Variants in CDH4 observed in about 807,000 individuals in gnomAD.
The protein encoded by CDH4 is cadherin-4.
CDH4 carries 33 observed loss-of-function variants against 86.0 expected under a neutral mutation model. The ratio of observed to expected loss-of-function variants is 0.38; its 90% CI spans 0.29 to 0.51. The LOEUF (loss-of-function observed/expected upper bound fraction) is 0.51, where lower values mean the gene tolerates loss of function less well. CDH4 is among the 20% of genes least tolerant of loss of function. CDH4 has a pLI of 0.86. For missense variants in CDH4, 1,114 were observed against 1,307.4 expected (o/e 0.85, Z 2.28); for synonymous variants, 555 against 549.4 (o/e 1.01, Z -0.14).
intron 2 of CDH4, among the ~76,000 whole-genome samples, chr20:61,267,464 A>G (rs2123131988): frequency 6.6e-6 from 1 of 152,290 alleles, no homozygotes; most frequent in South Asian, 2.1e-4. Flanking sequence ...GCGGCTTGAA[A>G]CAGTGCTGGG....
chr20:61,565,239 G>GCGGTGCTCTTGGTGA lies in CDH4; in HGVS notation c.170-178324_170-178323insCGGTGCTCTTGGTGA, dbSNP rs2086272213. Among the ~76,000 whole-genome samples, 3 of 61,454 alleles carry GCGGTGCTCTTGGTGA rather than the reference G, an allele frequency of 4.9e-5. 1 individual carries two copies. Among genetic ancestry groups the GCGGTGCTCTTGGTGA allele is most frequent in the Non-Finnish European group, 1.0e-4 (3 of 28,622 alleles). 40.3% of individuals were successfully genotyped at this position (61,454 alleles called of 152,430 possible). A position where few individuals can be genotyped will look rare whatever the true frequency, so the allele number is the denominator to read the frequency against. ...TCGGTGGTAGGTGGTGGTGGTGGTG[G>GCGGTGCTCTTGGTGA]TGGCGGTGCTCTTGGTGATGGTGGT... is the stretch of plus-strand genomic sequence containing the variant. On this transcript the variant is annotated intron_variant, in intron 2 of 15. Transcript: ENST00000614565.
rs1391946036 is a variant in CDH4 at position 61,565,321 on chromosome 20, G to GGTC, written c.170-178242_170-178241insGTC. ...TGGCGGTGCTCTTGGTGGTGGCGGT[G>GGTC]CTCTTGGTGATGGTGGTAGTGGTCC... is the stretch of plus-strand genomic sequence containing the variant. On this transcript the variant is annotated intron_variant, in intron 2 of 15. Coordinates refer to ENST00000614565, the MANE Select transcript of CDH4 (RefSeq NM_001794.5). Among the ~76,000 whole-genome samples, 14 of 100,302 alleles carry GGTC rather than the reference G, an allele frequency of 1.4e-4. 2 individuals are homozygous for GGTC. Among genetic ancestry groups the GGTC allele is most frequent in the Admixed American group, 2.9e-4 (3 of 10,274 alleles). The allele number at this position is 100,302 out of a possible 152,430, so 65.8% of individuals were successfully genotyped here. A position where few individuals can be genotyped will look rare whatever the true frequency, so the allele number is the denominator to read the frequency against.
intron 2 of CDH4, among the ~76,000 whole-genome samples, chr20:61,559,655 A>C (rs1042172516): frequency 1.3e-5 from 2 of 150,270 alleles, no homozygotes; most frequent in Non-Finnish European, 1.5e-5. Flanking sequence ...AGTAGCTGGG[A>C]CTACAGGCGT....
intron 4 of CDH4, among the ~76,000 whole-genome samples, chr20:61,824,588 G>A (rs970670116): frequency 2.0e-5 from 3 of 152,092 alleles, no homozygotes; most frequent in African/African-American, 7.2e-5. Flanking sequence ...TTCTAATATT[G>A]ACATCATTAA....
At chr20:61,740,052 G>A (rs7261838) in intron 2 of CDH4, among the ~76,000 whole-genome samples, 5,085 of 152,256 alleles carry the variant, frequency 0.033, 279 homozygotes, top group African/African-American at 0.11. Context: ...AGAGACAGGC[G>A]AAGACTCCAA....
chr20:61,392,280 C>T lies in CDH4; in HGVS notation c.169+137343C>T, dbSNP rs1478784499. On this transcript the variant is annotated intron_variant, in intron 2 of 15. Coordinates refer to ENST00000614565, the MANE Select transcript of CDH4 (RefSeq NM_001794.5). The surrounding 1 kb of genome is among the most constrained non-coding windows in gnomAD (Gnocchi z 5.7). ...GGACAGGAACCCGAGGCAGATCCTT[C>T]CACCAAACGAGTGTTTTGCTGTCAG... Among the ~76,000 whole-genome samples the T allele has an allele frequency of 3.3e-5, 5 of 152,012 alleles. No homozygotes were observed. Among genetic ancestry groups the T allele is most frequent in the African/African-American group, 1.2e-4 (5 of 41,400 alleles).
At chr20:61,630,015 G>A (rs934022916) in intron 2 of CDH4, among the ~76,000 whole-genome samples, 7 of 152,106 alleles carry the variant, frequency 4.6e-5, no homozygotes, top group South Asian at 4.1e-4. Context: ...GCTCCGAGGC[G>A]GTGTGAGGCC....
intron 2 of CDH4, among the ~76,000 whole-genome samples, chr20:61,275,282 T>G: frequency 8.9e-6 from 1 of 111,894 alleles, no homozygotes; most frequent in Admixed American, 1.1e-4. Context: ...CATGCGCAGT[T>G]GGGGGGAGCA....
At chr20:61,479,167 G>GGTTTTTT (rs983416692) in intron 2 of CDH4, among the ~76,000 whole-genome samples, 1 of 115,828 alleles carries the variant, frequency 8.6e-6, no homozygotes, top group African/African-American at 3.3e-5. Context: ...CTTGATCACT[G>GGTTTTTT]GTTTTTTGTT....
chr20:61,862,711 G>A (rs1039777701), intron 6 of CDH4, among the ~76,000 whole-genome samples: 6 of 152,224 alleles, frequency 3.9e-5, no homozygotes, highest in African/African-American at 1.4e-4. Context: ...CCCAGGGAAA[G>A]ACACCTCCGT....
At chr20:61,827,486 A>G (rs1366773323) in intron 4 of CDH4, among the ~76,000 whole-genome samples, 1 of 152,250 alleles carries the variant, frequency 6.6e-6, no homozygotes, top group Non-Finnish European at 1.5e-5. Flanking sequence ...GAGAAAGGAG[A>G]CACAGATGTG....
chr20:61,410,850 C>T (rs1428245096), intron 2 of CDH4, among the ~76,000 whole-genome samples: 4 of 151,980 alleles, frequency 2.6e-5, no homozygotes, highest in Admixed American at 1.3e-4. Context: ...TCCATCCATC[C>T]GTCCGTCCGT....
intron 11 of CDH4, among the ~76,000 whole-genome samples, chr20:61,926,863 ACT>A (rs1473299055): frequency 6.6e-6 from 1 of 151,404 alleles, no homozygotes; most frequent in Non-Finnish European, 1.5e-5. Flanking sequence ...ATAGAGTGAG[ACT>A]CCATCTCAAA....
At chr20:61,888,088 C>CT (rs979301394) in intron 7 of CDH4, among the ~76,000 whole-genome samples, 6 of 152,204 alleles carry the variant, frequency 3.9e-5, no homozygotes, top group African/African-American at 1.4e-4. Context: ...CACAGCGAGG[C>CT]TGCCTGCTGC....
intron 2 of CDH4, among the ~76,000 whole-genome samples, chr20:61,677,538 T>G (rs1297073949): frequency 6.6e-6 from 1 of 152,142 alleles, no homozygotes. Flanking sequence ...ACTTTACACT[T>G]TAGATTTTTT....
chr20:61,930,496 C>T (rs1320979562), intron 13 of CDH4, among the ~76,000 whole-genome samples: 2 of 152,124 alleles, frequency 1.3e-5, no homozygotes, highest in Non-Finnish European at 2.9e-5. Context: ...CCCAGGGATC[C>T]CAGTGGGAGG....
chr20:61,256,587 C>T (rs2084099114), intron 2 of CDH4, among the ~76,000 whole-genome samples: 1 of 152,192 alleles, frequency 6.6e-6, no homozygotes, highest in Non-Finnish European at 1.5e-5. Context: ...CGGCCTGGCC[C>T]CTGTGCCCAG....
intron 2 of CDH4, among the ~76,000 whole-genome samples, chr20:61,678,546 C>G (rs934940344): frequency 6.6e-6 from 1 of 152,224 alleles, no homozygotes; most frequent in Non-Finnish European, 1.5e-5. Context: ...AACGCAGTTT[C>G]TGGGTGCCCG....
chr20:61,889,960 T>G (rs957652220), intron 7 of CDH4, among the ~76,000 whole-genome samples: 3 of 143,640 alleles, frequency 2.1e-5, no homozygotes, highest in African/African-American at 7.9e-5. Context: ...GGTTGGATGA[T>G]GGATGGATGG....
Sources: allele counts gnomAD v4.1 joint callset (sites outside exome capture counted in the v4.1 genomes callset), GRCh38; gene constraint gnomAD v4.1.1; non-coding constraint Gnocchi (gnomAD v3.1); transcripts MANE v1.5; gene names NCBI Gene and HGNC (gene_info 2026-07-23, HGNC 2026-07-21).